The following EPHA5 variants were observed in gnomAD, a reference collection of about 807,000 sequenced individuals.
EPHA5 encodes ephrin type-A receptor 5.
A neutral mutation model predicts 105.0 loss-of-function variants in EPHA5; 60 were observed. The observed-to-expected ratio is 0.57, with a 90% CI of 0.46 to 0.71. The LOEUF (loss-of-function observed/expected upper bound fraction) is 0.71, where lower values mean the gene tolerates loss of function less well. Ranked by LOEUF, EPHA5 falls within the 30% of genes least tolerant of loss-of-function variation. The pLI, the probability that EPHA5 is intolerant of heterozygous loss-of-function variation, is 0.00. For missense variants in EPHA5, 1,218 were observed against 1,274.7 expected (o/e 0.96, Z 0.68); for synonymous variants, 513 against 449.1 (o/e 1.14, Z -1.80).
chr4:65,412,209 T>C (rs10014365), intron 7 of EPHA5, among the ~76,000 whole-genome samples: 121,713 of 152,098 alleles, frequency 0.8, 49,113 homozygotes, highest in South Asian at 0.92. Flanking sequence ...GTCTGGGCCA[T>C]AGAGTGAGAC....
At chr4:65,458,414 C>A (rs1311489035) in intron 5 of EPHA5, among the ~76,000 whole-genome samples, 3 of 152,110 alleles carry the variant, frequency 2.0e-5, no homozygotes, top group Non-Finnish European at 1.5e-5. Flanking sequence ...TACTTCTCTG[C>A]CTTTACTCAA....
chr4:65,537,750 T>C (rs1422334527), intron 3 of EPHA5, among the ~76,000 whole-genome samples: 1 of 151,732 alleles, frequency 6.6e-6, no homozygotes, highest in African/African-American at 2.4e-5. Flanking sequence ...AACAGTTTAT[T>C]TTAAAATTTT....
Position 65,539,762 on chromosome 4 carries a change from G to A in EPHA5, c.911-44219C>T, listed in dbSNP as rs926442457. ...AGATAATACTGCATTATTTGTCACT[G>A]TCATTGTTATTGCTGTTACTATGAG... On this transcript the variant is annotated intron_variant, in intron 3 of 16. Transcript: ENST00000613740. 2.6e-5 allele frequency among the ~76,000 whole-genome samples: 4 copies of A among 151,502 alleles called. No individual in the cohort carries two copies. In the Admixed American group the frequency reaches 2.6e-4, roughly 10 times the overall value.
chr4:65,417,489 A>G (rs1300922084), intron 6 of EPHA5, among the ~76,000 whole-genome samples: 5 of 152,196 alleles, frequency 3.3e-5, no homozygotes, highest in African/African-American at 1.2e-4. Context: ...TTTATTTTAA[A>G]AAGGAAAACA....
At chr4:65,649,126 A>G (rs1183312316) in intron 1 of EPHA5, among the ~76,000 whole-genome samples, 3 of 152,318 alleles carry the variant, frequency 2.0e-5, no homozygotes, top group Admixed American at 2.0e-4. Flanking sequence ...AGTCTTTTTT[A>G]GAGAAAAGAA....
chr4:65,451,538 T>C (rs1727067951), intron 5 of EPHA5, among the ~76,000 whole-genome samples: 1 of 152,166 alleles, frequency 6.6e-6, no homozygotes, highest in African/African-American at 2.4e-5. Flanking sequence ...AGAATTACAC[T>C]TTTATAACAA....
At chr4:65,577,354 G>A (rs1159984872) in intron 3 of EPHA5, among the ~76,000 whole-genome samples, 2 of 151,912 alleles carry the variant, frequency 1.3e-5, no homozygotes, top group Non-Finnish European at 2.9e-5. Flanking sequence ...TGTTTTCCAG[G>A]TGATTATTAG....
chr4:65,567,440 C>A (rs71612732), intron 3 of EPHA5, among the ~76,000 whole-genome samples: 3 of 151,432 alleles, frequency 2.0e-5, no homozygotes, highest in African/African-American at 7.3e-5. Flanking sequence ...ATATCAATAA[C>A]TTCAGAATTT....
At position 65,603,067 on chromosome 4, in the gene EPHA5, G is replaced by A. The variant is rs186247128; in HGVS notation, c.247-763C>T. ...TTAGCTAACTTCTTGCGATATGTTG[G>A]GACCCCATTAATTCTTTCTTACCAA... On this transcript the variant is annotated intron_variant, in intron 2 of 16. Transcript: ENST00000613740. Among the ~76,000 whole-genome samples, 376 of 152,004 alleles carry A rather than the reference G, an allele frequency of 2.5e-3. 1 individual carries two copies. The highest frequency in any genetic ancestry group is 3.7e-3 in the Non-Finnish European group (250 of 67,924).
intron 2 of EPHA5, among the ~76,000 whole-genome samples, chr4:65,640,942 C>T (rs1189378550): frequency 4.6e-5 from 7 of 152,084 alleles, no homozygotes; most frequent in African/African-American, 1.7e-4. Flanking sequence ...GTTGGCAAGC[C>T]TATTGTTTGT....
intron 1 of EPHA5, among the ~76,000 whole-genome samples, chr4:65,645,728 C>A (rs925138448): frequency 6.6e-6 from 1 of 151,688 alleles, no homozygotes; most frequent in Admixed American, 6.6e-5. Flanking sequence ...GAATACACTG[C>A]AGAATACATG....
chr4:65,464,519 C>T (rs1728429936), intron 5 of EPHA5, among the ~76,000 whole-genome samples: 2 of 151,902 alleles, frequency 1.3e-5, no homozygotes, highest in African/African-American at 4.8e-5. Context: ...ATAGTTTTGC[C>T]TAACAGTAAT....
intron 3 of EPHA5, among the ~76,000 whole-genome samples, chr4:65,529,654 A>G (rs1331121914): frequency 6.6e-6 from 1 of 152,156 alleles, no homozygotes; most frequent in East Asian, 1.9e-4. Context: ...TTATTAATAA[A>G]TGTCATGGTT....
At chr4:65,504,925 G>T (rs189316614) in intron 3 of EPHA5, among the ~76,000 whole-genome samples, 1 of 151,956 alleles carries the variant, frequency 6.6e-6, no homozygotes, top group African/African-American at 2.4e-5. Context: ...ATAAATTTAC[G>T]TTTTTATTTT....
chr4:65,417,459 A>G (rs539467123), intron 6 of EPHA5, among the ~76,000 whole-genome samples: 1 of 152,222 alleles, frequency 6.6e-6, no homozygotes, highest in Admixed American at 6.5e-5. Context: ...CTCACACACG[A>G]TGGTCCGGGA....
chr4:65,401,563 G>C (rs1721824689), intron 8 of EPHA5, among the ~76,000 whole-genome samples: 1 of 152,052 alleles, frequency 6.6e-6, no homozygotes, highest in African/African-American at 2.4e-5. Context: ...AAAACTATAA[G>C]CCTCAGATTC....
chr4:65,332,231 A>C, intron 15 of EPHA5, 103 bp from the exon 16 acceptor site: 8 of 949,908 alleles, frequency 8.4e-6, no homozygotes, highest in Non-Finnish European at 1.2e-5. Context: ...TGAGTCTGTA[A>C]GTATATTTAT....
At chr4:65,614,051 T>G (rs139836530) in intron 2 of EPHA5, among the ~76,000 whole-genome samples, 239 of 152,032 alleles carry the variant, frequency 1.6e-3, no homozygotes, top group Non-Finnish European at 2.8e-3. Context: ...TATGATATAT[T>G]TACAGATTTA....
At chr4:65,538,005 T>C (rs1183866857) in intron 3 of EPHA5, among the ~76,000 whole-genome samples, 1 of 151,728 alleles carries the variant, frequency 6.6e-6, no homozygotes, top group Non-Finnish European at 1.5e-5. Context: ...CATCTAATAC[T>C]TTTCTCATTT....
Sources: allele counts gnomAD v4.1 joint callset (sites outside exome capture counted in the v4.1 genomes callset), GRCh38; gene constraint gnomAD v4.1.1; transcripts MANE v1.5; gene names NCBI Gene and HGNC (gene_info 2026-07-23, HGNC 2026-07-21).